GRM1: variants seen among roughly 807,000 people sequenced by gnomAD.
The protein encoded by GRM1 is metabotropic glutamate receptor 1.
In GRM1, 33 loss-of-function variants were observed where a neutral mutation model predicts 90.9. That is an observed-to-expected ratio of 0.36 (90% CI 0.28 to 0.49). GRM1 has a LOEUF of 0.49. GRM1 is among the 20% of genes least tolerant of loss of function. GRM1 has a pLI of 0.99. For missense variants in GRM1, 1,190 were observed against 1,534.3 expected (o/e 0.78, Z 3.75); for synonymous variants, 700 against 613.2 (o/e 1.14, Z -2.09).
At chr6:146,102,514 G>T (rs535230964) in intron 1 of GRM1, among the ~76,000 whole-genome samples, 2 of 152,238 alleles carry the variant, frequency 1.3e-5, no homozygotes, top group South Asian at 4.1e-4. Flanking sequence ...GGTAATCATA[G>T]AACTGTTTTT....
At chr6:146,105,431 T>C (rs1777194937) in intron 1 of GRM1, among the ~76,000 whole-genome samples, 1 of 152,092 alleles carries the variant, frequency 6.6e-6, no homozygotes, top group East Asian at 1.9e-4. Flanking sequence ...GAAACATTAG[T>C]AGTAAGTGAT....
intron 1 of GRM1, among the ~76,000 whole-genome samples, chr6:146,077,865 G>A (rs911335441): frequency 1.3e-5 from 2 of 152,164 alleles, no homozygotes; most frequent in African/African-American, 4.8e-5. Flanking sequence ...TCAAGACAGG[G>A]CAGAGGCAAC....
chr6:146,334,955 C>G (rs918675416), intron 3 of GRM1, among the ~76,000 whole-genome samples: 40 of 152,160 alleles, frequency 2.6e-4, no homozygotes, highest in African/African-American at 8.9e-4. Context: ...AAGAATTTCT[C>G]TTTATTGGAT....
chr6:146,400,000 A>C lies in GRM1; in HGVS notation c.2660+301A>C, dbSNP rs1006150643. Among the ~76,000 whole-genome samples, 5 of 152,220 alleles carry C rather than the reference A, an allele frequency of 3.3e-5. No individual in the cohort carries two copies. The highest frequency in any genetic ancestry group is 4.8e-5 in the African/African-American group (2 of 41,460). ...AGCGGAAGCTTCGGTTCTGCCAGTA[A>C]CTTACCCTTTCGCATGGGACCTCCT... On this transcript the variant is annotated intron_variant, in intron 7 of 7. Coordinates refer to ENST00000282753, the MANE Select transcript of GRM1 (RefSeq NM_001278064.2). This position sits in a 1 kb window ranked among gnomAD's most constrained non-coding sequence, Gnocchi z 5.4.
intron 1 of GRM1, among the ~76,000 whole-genome samples, chr6:146,147,868 T>C (rs1777170301): frequency 6.6e-6 from 1 of 151,924 alleles, no homozygotes; most frequent in East Asian, 1.9e-4. Flanking sequence ...TCTCATTGAG[T>C]CTTCAACTTA....
intron 2 of GRM1, among the ~76,000 whole-genome samples, chr6:146,285,416 C>A (rs750980747): frequency 6.6e-6 from 1 of 152,144 alleles, no homozygotes; most frequent in Non-Finnish European, 1.5e-5. Context: ...TGACAAACAC[C>A]GTAACCTGTA....
chr6:146,267,720 C>CGTCTT (rs1781969718), intron 2 of GRM1, among the ~76,000 whole-genome samples: 1 of 139,314 alleles, frequency 7.2e-6, no homozygotes, highest in Non-Finnish European at 1.6e-5. Context: ...CGTCTCGTCT[C>CGTCTT]GTCTCGTCTC....
At chr6:146,187,386 A>G (rs1004236102) in intron 2 of GRM1, among the ~76,000 whole-genome samples, 1 of 152,148 alleles carries the variant, frequency 6.6e-6, no homozygotes, top group African/African-American at 2.4e-5. Flanking sequence ...TTGTTTTCCA[A>G]ATGAGGACAT....
At chr6:146,194,122 C>T (rs898412066) in intron 2 of GRM1, among the ~76,000 whole-genome samples, 1 of 152,072 alleles carries the variant, frequency 6.6e-6, no homozygotes, top group African/African-American at 2.4e-5. Context: ...TTGCATATCT[C>T]TCATTACTAA....
chr6:146,130,815 C>A (rs1478416872), intron 1 of GRM1, among the ~76,000 whole-genome samples: 7 of 152,134 alleles, frequency 4.6e-5, no homozygotes, highest in African/African-American at 1.4e-4. Context: ...TAGCCCCCCT[C>A]TCAAGTTCCT....
chr6:146,043,393 T>C (rs143292366), intron 1 of GRM1, among the ~76,000 whole-genome samples: 312 of 152,156 alleles, frequency 2.1e-3, no homozygotes, highest in African/African-American at 7.0e-3. Flanking sequence ...TTTTACTTTT[T>C]CATTTCTTAA....
intron 2 of GRM1, among the ~76,000 whole-genome samples, chr6:146,249,950 A>G (rs143524898): frequency 1.5e-3 from 228 of 152,292 alleles, no homozygotes; most frequent in African/African-American, 5.3e-3. Flanking sequence ...AAAGGAGATT[A>G]TTTTGGAGCT....
chr6:146,162,306 T>A (rs1777757586), intron 2 of GRM1, among the ~76,000 whole-genome samples: 1 of 149,376 alleles, frequency 6.7e-6, no homozygotes, highest in East Asian at 2.0e-4. Flanking sequence ...CAGGAGAGAT[T>A]TGGTTAAAAA....
At chr6:146,130,401 G>A (rs1400818022) in intron 1 of GRM1, among the ~76,000 whole-genome samples, 1 of 152,056 alleles carries the variant, frequency 6.6e-6, no homozygotes, top group Non-Finnish European at 1.5e-5. Context: ...AAAATAGGTG[G>A]AGGATGTTAG....
rs760785109 is a variant in GRM1, at chr6:146,218,558, CAGTT to C, written c.950+58965_950+58968del. Reference sequence around the variant, plus strand: ...TGTGCTTGCAAGATTCTGACAAAGTCAGTTAGTATCAAAAAAGAGACATAAATAA... The same window carrying C: ...TGTGCTTGCAAGATTCTGACAAAGTCAGTATCAAAAAAGAGACATAAATAA... On this transcript the variant is annotated intron_variant, in intron 2 of 7. Coordinates refer to ENST00000282753, the MANE Select transcript of GRM1 (RefSeq NM_001278064.2). 4.4e-4 allele frequency among the ~76,000 whole-genome samples: 67 copies of C among 152,048 alleles called. 1 individual carries two copies. The highest frequency in any genetic ancestry group is 2.1e-4 in the South Asian group (1 of 4,798).
At chr6:146,397,456 A>C (rs1438210961) in intron 6 of GRM1, among the ~76,000 whole-genome samples, 1 of 142,954 alleles carries the variant, frequency 7.0e-6, no homozygotes, top group Non-Finnish European at 1.5e-5. Context: ...CCTGGGCAAC[A>C]GAGTGAGACC....
intron 2 of GRM1, among the ~76,000 whole-genome samples, chr6:146,278,135 CA>C (rs1413531886): frequency 6.6e-6 from 1 of 151,952 alleles, no homozygotes; most frequent in African/African-American, 2.4e-5. Flanking sequence ...TAAAGAACCC[CA>C]AAAGAAATAT....
chr6:146,298,439 G>T lies in GRM1; in HGVS notation c.951-6172G>T, dbSNP rs147342503. ...GAGCCTATTGGATGAGTTCACTATG[G>T]GACCTAGTGAAGCCAAAGTCTAAAA... On this transcript the variant is annotated intron_variant, in intron 2 of 7. Coordinates refer to ENST00000282753, the MANE Select transcript of GRM1 (RefSeq NM_001278064.2). Among the ~76,000 whole-genome samples the T allele has an allele frequency of 9.2e-5, 14 of 152,186 alleles. No individual in the cohort carries two copies. The East Asian group carries it at 2.5e-3, about 27-fold the overall frequency.
chr6:146,244,278 T>G (rs947592512), intron 2 of GRM1, among the ~76,000 whole-genome samples: 3 of 152,194 alleles, frequency 2.0e-5, no homozygotes, highest in Admixed American at 6.5e-5. Context: ...CCATGAAATC[T>G]TCACAATTTA....
Sources: allele counts gnomAD v4.1 joint callset (sites outside exome capture counted in the v4.1 genomes callset), GRCh38; gene constraint gnomAD v4.1.1; non-coding constraint Gnocchi (gnomAD v3.1); transcripts MANE v1.5; gene names NCBI Gene and HGNC (gene_info 2026-07-23, HGNC 2026-07-21).